SEPTIN2: variants seen among roughly 807,000 people sequenced by gnomAD.
SEPTIN2 encodes septin-2.
SEPTIN2 carries 34 observed loss-of-function variants against 46.5 expected under a neutral mutation model. That is an observed-to-expected ratio of 0.73 (90% CI 0.56 to 0.97). SEPTIN2 has a LOEUF of 0.97. SEPTIN2 is among the 50% of genes least tolerant of loss of function. The probability of loss-of-function intolerance (pLI) is 0.00; values close to 1 mark genes in which losing one functional copy is unlikely to be tolerated. For synonymous variants in SEPTIN2, 175 were observed against 153.4 expected (o/e 1.14, Z -1.04); for missense variants, 347 against 448.4 (o/e 0.77, Z 2.04).
intron 12 of SEPTIN2, among the ~76,000 whole-genome samples, chr2:241,350,508 T>C (rs901907579): frequency 1.3e-5 from 2 of 152,200 alleles, no homozygotes; most frequent in Non-Finnish European, 2.9e-5. Flanking sequence ...TAGAAGGAAA[T>C]TATGTATTAA....
At position 241,337,755 on chromosome 2, in the gene SEPTIN2, C is replaced by T. The variant is rs1434400019; in HGVS notation, c.559C>T (p.Leu187Phe). 13 of 1,613,908 alleles carry T rather than the reference C, an allele frequency of 8.1e-6. No homozygotes were observed. Among genetic ancestry groups the T allele is most frequent in the East Asian group, 6.7e-5 (3 of 44,884 alleles). Residue 187 changes from leucine to phenylalanine, a missense_variant, in exon 7 of 13, where the codon CTC becomes TTC. Transcript: ENST00000391971. ...GCCTGTCATTGCAAAAGCTGACACT[C>T]TCACCCTGAAGGAACGGGAGCGGCT... ...IVPVIAKADT[L>F]TLKERERLKK...
intron 1 of SEPTIN2, among the ~76,000 whole-genome samples, chr2:241,318,986 G>T (rs143426743): frequency 6.6e-6 from 1 of 152,076 alleles, no homozygotes; most frequent in Non-Finnish European, 1.5e-5. Flanking sequence ...ATGAGCTACC[G>T]CACCCAGCCG....
intron 8 of SEPTIN2, among the ~76,000 whole-genome samples, 175 bp downstream of exon 8, chr2:241,343,268 G>A (rs2081496190): frequency 6.6e-6 from 1 of 152,132 alleles, no homozygotes; most frequent in Middle Eastern, 3.2e-3. Context: ...AGAGGCCAAG[G>A]CAGATGGATC....
At chr2:241,338,844 T>TTATTTATATATA in intron 7 of SEPTIN2, among the ~76,000 whole-genome samples, 1 of 97,408 alleles carries the variant, frequency 1.0e-5, no homozygotes, top group African/African-American at 4.8e-5. Context: ...ATATAATAAA[T>TTATTTATATATA]ATATAATATA....
At chr2:241,326,714 A>T (rs560895891) in intron 3 of SEPTIN2, among the ~76,000 whole-genome samples, 2 of 152,316 alleles carry the variant, frequency 1.3e-5, no homozygotes, top group East Asian at 3.9e-4. Flanking sequence ...ATGTCAAGAG[A>T]ACACTCAAGC....
intron 3 of SEPTIN2, among the ~76,000 whole-genome samples, chr2:241,334,556 T>C (rs1409156044): frequency 6.6e-6 from 1 of 152,092 alleles, no homozygotes; most frequent in Non-Finnish European, 1.5e-5. Flanking sequence ...TTGCCAGTGC[T>C]GGGAAACGGG....
Position 241,350,138 on chromosome 2 carries a change from G to A in SEPTIN2, c.1050G>A (p.Gly350=). The A allele has an allele frequency of 6.2e-7, 1 of 1,614,020 alleles. No individual in the cohort carries two copies. Among genetic ancestry groups the A allele is most frequent in the African/African-American group, 1.3e-5 (1 of 75,044 alleles). The change falls in exon 12 of 13, where the codon GGG becomes GGA. Residue 350 remains glycine (G), a synonymous_variant. Coordinates refer to ENST00000391971, the MANE Select transcript of SEPTIN2 (RefSeq NM_004404.5). ...AGATGCAGATGCAGATGCAGGGCGG[G>A]GATGGCGATGGCGGGGCTCTCGGGC... ...QAQMQMQMQG[G]DGDGGALGHH...
chr2:241,337,436 C>G lies in SEPTIN2; in HGVS notation c.396C>G (p.Asp132Glu). ...AGCAATTTGAGAGGTACCTGCATGA[C>G]GAGAGCGGCTTGAACAGGCGGCACA... Reference protein sequence around the residue: ...IDEQFERYLHDESGLNRRHII... With the variant: ...IDEQFERYLHEESGLNRRHII... The change falls in exon 6 of 13, where the codon GAC (aspartate) becomes GAG (glutamate). Residue 132 changes from aspartate (D) to glutamate (E), a missense_variant. By Grantham distance (45) the Asp-to-Glu change is conservative. Coordinates refer to ENST00000391971, the MANE Select transcript of SEPTIN2 (RefSeq NM_004404.5). 1 of 1,613,988 alleles carries G rather than the reference C, an allele frequency of 6.2e-7. No individual in the cohort carries two copies. The highest frequency in any genetic ancestry group is 8.5e-7 in the Non-Finnish European group (1 of 1,179,924).
chr2:241,324,306 C>A, intron 2 of SEPTIN2, 65 bp downstream of exon 2: 1 of 1,291,750 alleles, frequency 7.7e-7, no homozygotes, highest in Non-Finnish European at 1.1e-6. Context: ...AGACTGTTGA[C>A]AGTCGGGACT....
chr2:241,343,970 TGG>T, intron 9 of SEPTIN2, 73 bp downstream of exon 9: 1 of 1,560,118 alleles, frequency 6.4e-7, no homozygotes. Flanking sequence ...GGTGTACACT[TGG>T]CCCCCAAGAT....
At chr2:241,316,690 C>G (rs927169714) in intron 1 of SEPTIN2, 4 of 550,952 alleles carry the variant, frequency 7.3e-6, no homozygotes, top group African/African-American at 2.0e-5. Flanking sequence ...CCAGACAAAC[C>G]TGGCTTGCTT....
chr2:241,350,328 C>T (rs2060669582), intron 12 of SEPTIN2, 125 bp downstream of exon 12: 3 of 446,562 alleles, frequency 6.7e-6, no homozygotes, highest in African/African-American at 4.1e-5. Flanking sequence ...CATCACTAAT[C>T]TTAAACAAGG....
At chr2:241,343,688 G>T (rs562531946) in intron 8 of SEPTIN2, 64 bp from the exon 9 acceptor site, 1 of 1,584,470 alleles carries the variant, frequency 6.3e-7, no homozygotes, top group South Asian at 1.1e-5. Flanking sequence ...TAATGTTCTC[G>T]TGTTGCCAGT....
chr2:241,317,239 C>T (rs139914305), intron 1 of SEPTIN2, among the ~76,000 whole-genome samples: 1 of 152,206 alleles, frequency 6.6e-6, no homozygotes, highest in Non-Finnish European at 1.5e-5. Context: ...CATCCTAACT[C>T]ATGATGTGTA....
chr2:241,337,864 C>T (rs1238384375), intron 7 of SEPTIN2, 74 bp downstream of exon 7: 2 of 1,038,816 alleles, frequency 1.9e-6, no homozygotes, highest in African/African-American at 3.2e-5. Flanking sequence ...GGAGTGTGTT[C>T]CCACGCTCAG....
At chr2:241,322,705 C>T (rs1457883516) in intron 1 of SEPTIN2, among the ~76,000 whole-genome samples, 1 of 152,108 alleles carries the variant, frequency 6.6e-6, no homozygotes, top group Non-Finnish European at 1.5e-5. Context: ...ATTTCCTTTC[C>T]TCATAAATGT....
intron 8 of SEPTIN2, 93 bp from the exon 9 acceptor site, chr2:241,343,659 C>T: frequency 7.2e-7 from 1 of 1,397,970 alleles, no homozygotes; most frequent in Non-Finnish European, 9.9e-7. Context: ...TAGTCAACAG[C>T]AATGTGTTAA....
At chr2:241,328,874 G>A (rs1285200952) in intron 3 of SEPTIN2, among the ~76,000 whole-genome samples, 1 of 151,522 alleles carries the variant, frequency 6.6e-6, no homozygotes, top group African/African-American at 2.4e-5. Context: ...TACAAAATTA[G>A]CCGGGCATGG....
chr2:241,335,711 C>T (rs955059812), intron 4 of SEPTIN2: 39 of 568,362 alleles, frequency 6.9e-5, no homozygotes, highest in East Asian at 6.0e-4. Flanking sequence ...TAAATGAATT[C>T]GTAAATTGCT....
Sources: allele counts gnomAD v4.1 joint callset (sites outside exome capture counted in the v4.1 genomes callset), GRCh38; gene constraint gnomAD v4.1.1; transcripts MANE v1.5; gene names NCBI Gene and HGNC (gene_info 2026-07-23, HGNC 2026-07-21).